The following TICRR variants were observed in gnomAD, a reference collection of about 807,000 sequenced individuals.
The protein encoded by TICRR is treslin.
Under a neutral mutation model 178.1 loss-of-function variants are expected in TICRR, and 132 were observed. The ratio of observed to expected loss-of-function variants is 0.74; its 90% CI spans 0.64 to 0.86. TICRR has a LOEUF of 0.86. TICRR is among the 40% of genes least tolerant of loss of function. TICRR has a pLI of 0.00. For synonymous variants in TICRR, 991 were observed against 900.7 expected, an observed-to-expected ratio of 1.10 and a Z score of -1.79; for missense variants, 2,587 against 2,334.3, an observed-to-expected ratio of 1.11 and a Z score of -2.23.
chr15:89,621,016 C>T (rs746790357), intron 18 of TICRR, among the ~76,000 whole-genome samples: 10 of 134,690 alleles, frequency 7.4e-5, no homozygotes, highest in East Asian at 4.6e-4. Context: ...CCACTGCGCC[C>T]GGCCTTGTTT....
chr15:89,602,776 ACTATTT>A lies in TICRR; in HGVS notation c.2568-13_2568-8del. ...TATAACCTCTATCTAGTATGTATTAACTATTTCTATTTTTAAAAGGAAAAATGCATT... is the reference window on the plus strand; with the variant it reads ...TATAACCTCTATCTAGTATGTATTAACTATTTTTAAAAGGAAAAATGCATT... On this transcript the variant is annotated splice_polypyrimidine_tract_variant and intron_variant, in intron 12 of 21. Transcript: ENST00000268138. 7.6e-7 allele frequency: 1 copy of A among 1,322,378 alleles called. No homozygotes were observed. The highest frequency in any genetic ancestry group is 1.0e-6 in the Non-Finnish European group (1 of 992,686). 81.9% of individuals were successfully genotyped at this position (1,322,378 alleles called of 1,614,324 possible).
Position 89,621,379 on chromosome 15 carries a change from T to C in TICRR, c.3155-14T>C. The C allele has an allele frequency of 6.3e-7, 1 of 1,586,288 alleles. No homozygotes were observed. Reference sequence around the variant, plus strand: ...GAGAAAGAATTAAATATTGTTGCTGTTTTTGACTTGCAGACCAAAGAGAAA... The same window carrying C: ...GAGAAAGAATTAAATATTGTTGCTGCTTTTGACTTGCAGACCAAAGAGAAA... On this transcript the variant is annotated splice_polypyrimidine_tract_variant and intron_variant, in intron 18 of 21. Coordinates refer to ENST00000268138, the MANE Select transcript of TICRR (RefSeq NM_152259.4).
chr15:89,586,369 T>A (rs1380438956), intron 4 of TICRR, among the ~76,000 whole-genome samples: 1 of 152,020 alleles, frequency 6.6e-6, no homozygotes, highest in Non-Finnish European at 1.5e-5. Flanking sequence ...TATATATATA[T>A]ATAAAATCAA....
Position 89,624,991 on chromosome 15 carries a change from G to A in TICRR, c.4681G>A (p.Val1561Ile). The A allele has an allele frequency of 6.2e-7, 1 of 1,614,100 alleles. No homozygotes were observed. ...CTCTGCCAGCCCACAGACCTATGAG[G>A]TTGAGCTGGAGATGCAAGCTTCTGG... ...TDSASPQTYEVELEMQASGLP... is the reference protein window; with the variant it reads ...TDSASPQTYEIELEMQASGLP... The change falls in exon 20 of 22, where the codon GTT becomes ATT. Residue 1561 changes from valine (V) to isoleucine (I), a missense_variant. Physicochemically the swap from Val to Ile is conservative, Grantham distance 29. Transcript: ENST00000268138.
intron 1 of TICRR, among the ~76,000 whole-genome samples, chr15:89,581,768 T>A (rs1453185275): frequency 6.6e-6 from 1 of 152,130 alleles, no homozygotes; most frequent in Non-Finnish European, 1.5e-5. Flanking sequence ...CTTTCAGAAT[T>A]TCAGAGAAGT....
chr15:89,618,107 AT>A, intron 16 of TICRR, 44 bp from the exon 17 acceptor site: 1 of 1,581,044 alleles, frequency 6.3e-7, no homozygotes. Flanking sequence ...ATAAGTGTTA[AT>A]TACAAGTGGT....
Position 89,601,830 on chromosome 15 carries a change from T to G in TICRR, c.2421T>G (p.Asp807Glu). ...AGCTGGCTGGTGTCCTTCCTACAGA[T>G]TTTTTCAGTGATGACTCCATGACAC... ...PQKLAGVLPT[D>E]FFSDDSMTQE... Residue 807 changes from aspartate to glutamate, a missense_variant, in exon 12 of 22, where the codon GAT (aspartate) becomes GAG (glutamate). Transcript: ENST00000268138. The G allele has an allele frequency of 2.5e-6, 4 of 1,614,180 alleles. No individual in the cohort carries two copies. The highest frequency in any genetic ancestry group is 2.5e-6 in the Non-Finnish European group (3 of 1,180,032).
Position 89,621,385 on chromosome 15 carries a change from A to G in TICRR, c.3155-8A>G. 1.3e-6 allele frequency: 2 copies of G among 1,588,978 alleles called. No homozygotes were observed. Among genetic ancestry groups the G allele is most frequent in the Non-Finnish European group, 1.7e-6 (2 of 1,172,744 alleles). On this transcript the variant is annotated splice_region_variant and splice_polypyrimidine_tract_variant and intron_variant, in intron 18 of 21. Coordinates refer to ENST00000268138, the MANE Select transcript of TICRR (RefSeq NM_152259.4). ...GAATTAAATATTGTTGCTGTTTTTG[A>G]CTTGCAGACCAAAGAGAAAATTCTC...
At chr15:89,623,147 C>T (rs1379335894) in intron 19 of TICRR, among the ~76,000 whole-genome samples, 1 of 152,196 alleles carries the variant, frequency 6.6e-6, no homozygotes, top group Non-Finnish European at 1.5e-5. Flanking sequence ...TGCTGCTGCA[C>T]CTTATATATC....
chr15:89,624,976 CCA>C lies in TICRR; in HGVS notation c.4669_4670del (p.Gln1557AspfsTer3), dbSNP rs1963492259. ...TTGGCATTCCACAGACTCTGCCAGC[CCA>C]CAGACCTATGAGGTTGAGCTGGAGA... is the stretch of plus-strand genomic sequence containing the variant. ...SAWHSTDSASPQTYEVELEMQ... is the reference protein window; with the variant it reads ...SAWHSTDSASXQTYEVELEMQ... On this transcript the variant is annotated frameshift_variant, in exon 20 of 22. Transcript: ENST00000268138. LOFTEE classifies it high-confidence loss of function. 6.2e-7 allele frequency: 1 copy of C among 1,614,078 alleles called. No individual in the cohort carries two copies. The highest frequency in any genetic ancestry group is 8.5e-7 in the Non-Finnish European group (1 of 1,180,020).
intron 13 of TICRR, 100 bp from the exon 14 acceptor site, chr15:89,606,668 A>G (rs936260028): frequency 2.1e-6 from 2 of 942,582 alleles, no homozygotes; most frequent in Non-Finnish European, 3.4e-6. Context: ...GGATCCCTAT[A>G]AATGAATTAC....
chr15:89,596,471 C>T (rs112830743), intron 7 of TICRR, among the ~76,000 whole-genome samples: 1,991 of 152,156 alleles, frequency 0.013, 17 homozygotes, highest in Non-Finnish European at 0.022. Flanking sequence ...CTCAGCCTCC[C>T]GAGTAGCTGG....
At chr15:89,613,829 GT>G (rs1486967777) in intron 15 of TICRR, among the ~76,000 whole-genome samples, 1 of 114,350 alleles carries the variant, frequency 8.7e-6, no homozygotes, top group East Asian at 2.7e-4. Context: ...ATTTTCTTTA[GT>G]TCTTTGAACA....
At chr15:89,602,090 G>T (rs1963108577) in intron 12 of TICRR, 114 bp downstream of exon 12, 2 of 1,311,822 alleles carry the variant, frequency 1.5e-6, no homozygotes, top group Middle Eastern at 2.0e-4. Flanking sequence ...ACTAATAGCT[G>T]CCCTTATGTC....
intron 7 of TICRR, among the ~76,000 whole-genome samples, chr15:89,596,780 G>A (rs564978724): frequency 1.3e-5 from 2 of 152,104 alleles, no homozygotes; most frequent in African/African-American, 2.4e-5. Context: ...ATTACTTCAC[G>A]TGTTGGACCC....
At chr15:89,622,714 C>T (rs1830804139) in intron 19 of TICRR, among the ~76,000 whole-genome samples, 1 of 152,210 alleles carries the variant, frequency 6.6e-6, no homozygotes, top group Admixed American at 6.5e-5. Flanking sequence ...CTCCACCTCC[C>T]CAGCAACATC....
intron 14 of TICRR, among the ~76,000 whole-genome samples, chr15:89,607,092 G>A (rs929865780): frequency 6.6e-6 from 1 of 152,068 alleles, no homozygotes. Flanking sequence ...AAAGAAAAGA[G>A]GCAGTGGGAC....
rs770751817 is a variant in TICRR at position 89,624,854 on chromosome 15, C to G, written c.4544C>G (p.Pro1515Arg). ...GIPPSPPSCGPGSPLMPSRDV... is the reference protein window; with the variant it reads ...GIPPSPPSCGRGSPLMPSRDV... ...CCCCCATCTCCTCCTTCCTGTGGGCCTGGCTCTCCTCTGATGCCTTCCCGT... is the reference window on the plus strand; with the variant it reads ...CCCCCATCTCCTCCTTCCTGTGGGCGTGGCTCTCCTCTGATGCCTTCCCGT... Residue 1515 changes from proline (P) to arginine (R), a missense_variant, in exon 20 of 22, where the codon CCT becomes CGT. Pro to Arg is a moderately radical substitution (Grantham distance 103, BLOSUM62 -2). Transcript: ENST00000268138. 6.2e-7 allele frequency: 1 copy of G among 1,614,042 alleles called. No homozygotes were observed. Among genetic ancestry groups the G allele is most frequent in the East Asian group, 2.2e-5 (1 of 44,882 alleles).
intron 13 of TICRR, among the ~76,000 whole-genome samples, 175 bp from the exon 14 acceptor site, chr15:89,606,593 T>C (rs1045124876): frequency 6.6e-6 from 1 of 152,254 alleles, no homozygotes; most frequent in Non-Finnish European, 1.5e-5. Flanking sequence ...TTTTGTGTTA[T>C]TACTATAGTG....
Sources: gnomAD v4.1 joint callset for allele counts (sites outside exome capture counted in the v4.1 genomes callset) on GRCh38, gnomAD v4.1.1 for gene constraint, MANE v1.5 for transcripts, NCBI Gene and HGNC (gene_info 2026-07-23, HGNC 2026-07-21) for gene names.